The following TXK variants were observed in gnomAD, a reference collection of about 807,000 sequenced individuals.
TXK encodes the protein tyrosine-protein kinase TXK.
In TXK, 60 loss-of-function variants were observed where a neutral mutation model predicts 81.0. The ratio of observed to expected loss-of-function variants is 0.74; its 90% CI spans 0.60 to 0.92. The LOEUF (loss-of-function observed/expected upper bound fraction) is 0.92. Ranked by LOEUF, TXK falls within the 40% of genes least tolerant of loss-of-function variation. The pLI is 0.00. For synonymous variants in TXK, 203 were observed against 210.7 expected (o/e 0.96, Z 0.32); for missense variants, 581 against 638.3 (o/e 0.91, Z 0.97).
intron 8 of TXK, among the ~76,000 whole-genome samples, chr4:48,092,938 T>C (rs1022977237): frequency 1.3e-5 from 2 of 152,184 alleles, no homozygotes; most frequent in East Asian, 3.8e-4. Flanking sequence ...TGGTAAAAGT[T>C]TGAACAGGGA....
chr4:48,097,161 A>G (rs1174856117), intron 6 of TXK, among the ~76,000 whole-genome samples: 1 of 152,138 alleles, frequency 6.6e-6, no homozygotes, highest in African/African-American at 2.4e-5. Context: ...AGGGAAAAAT[A>G]ATAGATAAAC....
intron 1 of TXK, among the ~76,000 whole-genome samples, chr4:48,131,402 C>T (rs1719244772): frequency 6.6e-6 from 1 of 151,798 alleles, no homozygotes; most frequent in Admixed American, 6.6e-5. Context: ...TTACTGCAAC[C>T]TCAAACTCCT....
chr4:48,116,623 A>G (rs866010576), intron 1 of TXK, among the ~76,000 whole-genome samples: 2 of 152,216 alleles, frequency 1.3e-5, no homozygotes, highest in Admixed American at 6.5e-5. Context: ...CACCTGGAAA[A>G]GAGCATGTAT....
At position 48,128,308 on chromosome 4, in the gene TXK, T is replaced by C. The variant is rs115731074; in HGVS notation, c.16+5847A>G. 7.2e-3 allele frequency among the ~76,000 whole-genome samples: 1,091 copies of C among 152,246 alleles called. 15 individuals carry two copies. The highest frequency in any genetic ancestry group is 0.025 in the African/African-American group (1,029 of 41,546). ...AGCTGCCTTAACCCAAAGACCAGGC[T>C]TGTTGCCCAAGCCAGGCGCTCCAGG... On this transcript the variant is annotated intron_variant, in intron 1 of 14. Transcript: ENST00000264316.
chr4:48,079,205 C>G (rs1717196391), intron 11 of TXK, among the ~76,000 whole-genome samples: 1 of 152,204 alleles, frequency 6.6e-6, no homozygotes, highest in Non-Finnish European at 1.5e-5. Flanking sequence ...AAGATGATAA[C>G]AGCCCTTTCC....
intron 12 of TXK, among the ~76,000 whole-genome samples, chr4:48,074,841 G>A (rs1717002846): frequency 6.6e-6 from 1 of 151,912 alleles, no homozygotes; most frequent in Non-Finnish European, 1.5e-5. Flanking sequence ...TTGAGTCAGA[G>A]GTCATTCTAC....
At chr4:48,131,335 T>A (rs202128776) in intron 1 of TXK, among the ~76,000 whole-genome samples, 35 of 136,368 alleles carry the variant, frequency 2.6e-4, no homozygotes, top group Admixed American at 2.1e-3. Context: ...TTTTTTTTTT[T>A]AAAAGACTGG....
At chr4:48,101,703 A>C (rs943037569) in intron 6 of TXK, among the ~76,000 whole-genome samples, 1 of 151,858 alleles carries the variant, frequency 6.6e-6, no homozygotes, top group Non-Finnish European at 1.5e-5. Flanking sequence ...ATTTCTGATA[A>C]AGACCCAGAT....
chr4:48,114,514 C>T (rs1718741116), intron 1 of TXK, 112 bp from the exon 2 acceptor site: 3 of 1,133,352 alleles, frequency 2.6e-6, no homozygotes, highest in Non-Finnish European at 3.9e-6. Context: ...AAGTCTCGAT[C>T]GTGCCTTCCT....
chr4:48,084,686 G>A (rs1717442717), intron 10 of TXK, among the ~76,000 whole-genome samples: 1 of 152,158 alleles, frequency 6.6e-6, no homozygotes, highest in Non-Finnish European at 1.5e-5. Context: ...TTGGGAAGCT[G>A]GTGTCACTGG....
At chr4:48,071,294 G>A (rs875178) in intron 14 of TXK, among the ~76,000 whole-genome samples, 6 of 152,172 alleles carry the variant, frequency 3.9e-5, no homozygotes, top group African/African-American at 1.2e-4. Context: ...ATAAGACTCA[G>A]AAAATGCACT....
chr4:48,112,558 T>A, intron 3 of TXK, 46 bp from the exon 4 acceptor site: 1 of 1,540,072 alleles, frequency 6.5e-7, no homozygotes, highest in Admixed American at 2.1e-5. Context: ...TTTTAATAAT[T>A]TGTACTAAAA....
intron 1 of TXK, among the ~76,000 whole-genome samples, chr4:48,118,365 G>A (rs1718867372): frequency 6.6e-6 from 1 of 152,198 alleles, no homozygotes. Context: ...GGTGTGAATT[G>A]AAGTAGAAGC....
intron 1 of TXK, among the ~76,000 whole-genome samples, chr4:48,118,086 G>A (rs1228781983): frequency 2.0e-5 from 3 of 152,168 alleles, no homozygotes; most frequent in East Asian, 1.9e-4. Context: ...CTTCCAAATT[G>A]GCAGACCAAT....
chr4:48,086,374 A>G, intron 10 of TXK, 92 bp downstream of exon 10: 1 of 1,353,152 alleles, frequency 7.4e-7, no homozygotes, highest in Non-Finnish European at 1.0e-6. Context: ...AAGTTGTGAC[A>G]CAAATCCAGG....
chr4:48,106,900 T>C (rs1196438846), intron 5 of TXK, among the ~76,000 whole-genome samples: 1 of 152,156 alleles, frequency 6.6e-6, no homozygotes, highest in Non-Finnish European at 1.5e-5. Flanking sequence ...TTGAAGATAA[T>C]TTGACTTGTT....
intron 10 of TXK, among the ~76,000 whole-genome samples, chr4:48,081,420 A>T (rs1216828349): frequency 6.6e-6 from 1 of 152,202 alleles, no homozygotes; most frequent in East Asian, 1.9e-4. Flanking sequence ...ATTTCTCACA[A>T]GCATAGAAAG....
In TXK at chr4:48,115,043, T is replaced by C. The variant is rs1405328268; in HGVS notation, c.17-641A>G. 5.9e-5 allele frequency among the ~76,000 whole-genome samples: 9 copies of C among 152,096 alleles called. No individual in the cohort carries two copies. The East Asian group carries it at 1.5e-3, about 26-fold the overall frequency. ...GGTATTTCTTTCTTTCTTTTTTTTT[T>C]TAATTTTACTTTAAGTTCTGGGATA... On this transcript the variant is annotated intron_variant, in intron 1 of 14. Transcript: ENST00000264316.
intron 6 of TXK, among the ~76,000 whole-genome samples, chr4:48,098,640 T>G (rs116769985): frequency 0.043 from 6,615 of 152,224 alleles, 486 homozygotes; most frequent in African/African-American, 0.15. Context: ...TCCAGCATCG[T>G]GCTATATGTG....
Sources: gnomAD v4.1 joint callset for allele counts (sites outside exome capture counted in the v4.1 genomes callset) on GRCh38, gnomAD v4.1.1 for gene constraint, MANE v1.5 for transcripts, NCBI Gene and HGNC (gene_info 2026-07-23, HGNC 2026-07-21) for gene names.